HCN1: variants seen among roughly 807,000 people sequenced by gnomAD.
The protein encoded by HCN1 is hyperpolarization activated cyclic nucleotide gated potassium channel 1.
In HCN1, 13 loss-of-function variants were observed where a neutral mutation model predicts 78.9. The ratio of observed to expected loss-of-function variants is 0.16; its 90% CI spans 0.11 to 0.26. The LOEUF (loss-of-function observed/expected upper bound fraction) is 0.26, where lower values mean the gene tolerates loss of function less well. Among genes scored for constraint, HCN1 ranks in the 10% least tolerant of loss-of-function variants. The pLI, the probability that HCN1 is intolerant of heterozygous loss-of-function variation, is 1.00. For synonymous variants in HCN1, 552 were observed against 455.5 expected (o/e 1.21, Z -2.70); for missense variants, 810 against 1,154.3 (o/e 0.70, Z 4.32).
intron 2 of HCN1, among the ~76,000 whole-genome samples, chr5:45,518,046 G>T (rs1373774196): frequency 6.6e-6 from 1 of 152,004 alleles, no homozygotes; most frequent in Non-Finnish European, 1.5e-5. Context: ...ATCAATTGTG[G>T]TTGATGACAT....
chr5:45,384,829 T>C (rs182007403), intron 4 of HCN1, among the ~76,000 whole-genome samples: 7 of 152,290 alleles, frequency 4.6e-5, no homozygotes, highest in East Asian at 1.9e-4. Flanking sequence ...CTTTGTATCT[T>C]TGTGACTCTG....
intron 2 of HCN1, among the ~76,000 whole-genome samples, chr5:45,608,604 T>C (rs569921193): frequency 1.1e-4 from 16 of 152,046 alleles, no homozygotes; most frequent in African/African-American, 3.9e-4. Context: ...AATTAAGATA[T>C]GCATTTAAGA....
chr5:45,554,506 G>A (rs993431381), intron 2 of HCN1, among the ~76,000 whole-genome samples: 2 of 151,608 alleles, frequency 1.3e-5, no homozygotes, highest in Non-Finnish European at 2.9e-5. Flanking sequence ...TGAGAGAAAA[G>A]GCCTCAACCT....
intron 1 of HCN1, among the ~76,000 whole-genome samples, chr5:45,661,458 G>C (rs1173646172): frequency 7.0e-6 from 1 of 142,130 alleles, no homozygotes; most frequent in African/African-American, 2.7e-5. Context: ...TAAAATCAGA[G>C]CAGAACTGAA....
At chr5:45,440,108 A>C (rs960797451) in intron 3 of HCN1, among the ~76,000 whole-genome samples, 1 of 151,222 alleles carries the variant, frequency 6.6e-6, no homozygotes, top group African/African-American at 2.4e-5. Context: ...ATTTTTTCAA[A>C]TAATAAAGAT....
chr5:45,480,008 T>C (rs1741613115), intron 2 of HCN1: 1 of 152,602 alleles, frequency 6.6e-6, no homozygotes, highest in Non-Finnish European at 1.5e-5. Context: ...TTCTCTGGAA[T>C]TAAGTAAATC....
At chr5:45,484,887 G>A (rs1340381989) in intron 2 of HCN1, among the ~76,000 whole-genome samples, 1 of 152,108 alleles carries the variant, frequency 6.6e-6, no homozygotes, top group Non-Finnish European at 1.5e-5. Context: ...TCATGGGGTG[G>A]GTGGAAGCAT....
At chr5:45,502,189 C>T (rs993509576) in intron 2 of HCN1, among the ~76,000 whole-genome samples, 1 of 151,602 alleles carries the variant, frequency 6.6e-6, no homozygotes, top group East Asian at 1.9e-4. Flanking sequence ...AAAATGAAGC[C>T]GGGTGTCGTG....
chr5:45,404,376 G>A (rs1337005531), intron 3 of HCN1, among the ~76,000 whole-genome samples: 3 of 152,032 alleles, frequency 2.0e-5, no homozygotes, highest in African/African-American at 7.2e-5. Flanking sequence ...TGTTTCAACT[G>A]AGGTTTATCT....
chr5:45,696,161 T>G lies in HCN1; in HGVS notation c.-68A>C. The G allele has an allele frequency of 1.8e-6, 2 of 1,097,286 alleles. No individual in the cohort carries two copies. The highest frequency in any genetic ancestry group is 1.2e-6 in the Non-Finnish European group (1 of 864,580). The allele number at this position is 1,097,286 out of a possible 1,614,324, so 68.0% of individuals were successfully genotyped here. A position where few individuals can be genotyped will look rare whatever the true frequency, so the allele number is the denominator to read the frequency against. On this transcript the variant is annotated 5_prime_UTR_variant, in exon 1 of 8. Coordinates refer to ENST00000303230, the MANE Select transcript of HCN1 (RefSeq NM_021072.4). ...CCGGCCGCCCGGCGCCGGAGACACGTAGCCGAGAGGGTAGGGGCCCGAGCC... is the reference window on the plus strand; with the variant it reads ...CCGGCCGCCCGGCGCCGGAGACACGGAGCCGAGAGGGTAGGGGCCCGAGCC...
chr5:45,421,284 G>A (rs534181454), intron 3 of HCN1, among the ~76,000 whole-genome samples: 17 of 152,074 alleles, frequency 1.1e-4, no homozygotes, highest in Non-Finnish European at 2.4e-4. Context: ...GGATGGTCTC[G>A]ATCTCCTGAT....
intron 2 of HCN1, among the ~76,000 whole-genome samples, chr5:45,465,612 G>A (rs566266271): frequency 3.2e-4 from 49 of 152,016 alleles, no homozygotes; most frequent in African/African-American, 1.1e-3. Flanking sequence ...AAAATTACCC[G>A]GGCGTGGCGG....
intron 4 of HCN1, among the ~76,000 whole-genome samples, chr5:45,362,591 T>C (rs933535567): frequency 2.6e-5 from 4 of 152,132 alleles, no homozygotes; most frequent in Admixed American, 2.0e-4. Flanking sequence ...GGATATTAAA[T>C]GCTGTTTTCC....
At chr5:45,298,228 T>A (rs541576748) in intron 6 of HCN1, among the ~76,000 whole-genome samples, 1 of 152,148 alleles carries the variant, frequency 6.6e-6, no homozygotes, top group East Asian at 1.9e-4. Flanking sequence ...GATGTATAAA[T>A]GATTTATAAT....
At chr5:45,457,338 G>T (rs1741048490) in intron 3 of HCN1, among the ~76,000 whole-genome samples, 1 of 151,984 alleles carries the variant, frequency 6.6e-6, no homozygotes, top group Admixed American at 6.6e-5. Context: ...TGTTTATAAT[G>T]ATTTAATATA....
intron 4 of HCN1, among the ~76,000 whole-genome samples, chr5:45,359,416 A>ATATAT (rs1554020376): frequency 3.5e-5 from 5 of 142,574 alleles, no homozygotes; most frequent in African/African-American, 1.3e-4. Context: ...AAAAAAAAAA[A>ATATAT]ATATATATAT....
chr5:45,289,647 GT>G (rs1745333426), intron 6 of HCN1, among the ~76,000 whole-genome samples: 1 of 152,174 alleles, frequency 6.6e-6, no homozygotes, highest in South Asian at 2.1e-4. Flanking sequence ...AGACTCAAAA[GT>G]CAAATGGGAG....
chr5:45,671,706 C>G (rs1236495467), intron 1 of HCN1, among the ~76,000 whole-genome samples: 1 of 151,342 alleles, frequency 6.6e-6, no homozygotes, highest in Non-Finnish European at 1.5e-5. Flanking sequence ...TTATAGTTCA[C>G]TAGTAAAATG....
At chr5:45,500,978 C>G (rs1742175734) in intron 2 of HCN1, among the ~76,000 whole-genome samples, 1 of 152,112 alleles carries the variant, frequency 6.6e-6, no homozygotes, top group Non-Finnish European at 1.5e-5. Flanking sequence ...TCCTATTTAT[C>G]TCATTCTTTA....
Sources: allele counts gnomAD v4.1 joint callset (sites outside exome capture counted in the v4.1 genomes callset), GRCh38; gene constraint gnomAD v4.1.1; transcripts MANE v1.5; gene names NCBI Gene and HGNC (gene_info 2026-07-23, HGNC 2026-07-21).